The following DTNBP1 variants were observed in gnomAD, a reference collection of about 807,000 sequenced individuals.
DTNBP1 encodes dysbindin.
DTNBP1 carries 35 observed loss-of-function variants against 42.8 expected under a neutral mutation model. The ratio of observed to expected loss-of-function variants is 0.82; its 90% CI spans 0.63 to 1.09. The LOEUF is 1.09. Ranked by LOEUF, DTNBP1 falls within the 50% of genes least tolerant of loss-of-function variation. The pLI, the probability that DTNBP1 is intolerant of heterozygous loss-of-function variation, is 0.00. For synonymous variants in DTNBP1, 171 were observed against 162.2 expected, an observed-to-expected ratio of 1.05 and a Z score of -0.41; for missense variants, 457 against 424.2, an observed-to-expected ratio of 1.08 and a Z score of -0.68.
At chr6:15,603,230 T>C (rs75202130) in intron 6 of DTNBP1, among the ~76,000 whole-genome samples, 8,889 of 152,306 alleles carry the variant, frequency 0.058, 401 homozygotes, top group African/African-American at 0.12. Flanking sequence ...TAGCTCTCAG[T>C]CTGTTTTCAA....
chr6:15,543,118 G>GACTTATAATAA (rs1403062738), intron 7 of DTNBP1, among the ~76,000 whole-genome samples: 15 of 151,998 alleles, frequency 9.9e-5, no homozygotes, highest in Admixed American at 9.8e-4. Flanking sequence ...CTATTTTAGG[G>GACTTATAATAA]GACTTTTCCT....
intron 6 of DTNBP1, among the ~76,000 whole-genome samples, chr6:15,613,245 G>A (rs1323163441): frequency 6.7e-6 from 1 of 149,904 alleles, no homozygotes; most frequent in Non-Finnish European, 1.5e-5. Context: ...GGAGGTTGCA[G>A]TGAGCCGAGA....
At chr6:15,532,025 T>C (rs540883848) in intron 8 of DTNBP1, among the ~76,000 whole-genome samples, 1 of 152,162 alleles carries the variant, frequency 6.6e-6, no homozygotes, top group South Asian at 2.1e-4. Flanking sequence ...GGGGGCAGGA[T>C]AGAGAGAACA....
At chr6:15,640,926 T>C (rs1413549099) in intron 3 of DTNBP1, among the ~76,000 whole-genome samples, 1 of 152,204 alleles carries the variant, frequency 6.6e-6, no homozygotes, top group Non-Finnish European at 1.5e-5. Flanking sequence ...AAGTAGCTTG[T>C]ACACGGCTTA....
At chr6:15,613,480 C>T (rs1446547640) in intron 6 of DTNBP1, among the ~76,000 whole-genome samples, 2 of 149,572 alleles carry the variant, frequency 1.3e-5, no homozygotes, top group African/African-American at 4.9e-5. Flanking sequence ...CATTCTCCTG[C>T]CTCAGCCTCC....
At chr6:15,578,715 A>T (rs1167184317) in intron 7 of DTNBP1, among the ~76,000 whole-genome samples, 1 of 152,244 alleles carries the variant, frequency 6.6e-6, no homozygotes, top group Non-Finnish European at 1.5e-5. Context: ...ATTTCTTAGG[A>T]TTGGGAGAGA....
chr6:15,632,648 C>A (rs753635273), intron 4 of DTNBP1, among the ~76,000 whole-genome samples: 81 of 152,304 alleles, frequency 5.3e-4, no homozygotes, highest in Non-Finnish European at 1.0e-3. Context: ...GACAAAGAAG[C>A]TGTCTTCCAT....
intron 5 of DTNBP1, among the ~76,000 whole-genome samples, chr6:15,626,478 G>A (rs1033519830): frequency 6.6e-6 from 1 of 151,934 alleles, no homozygotes; most frequent in Non-Finnish European, 1.5e-5. Flanking sequence ...GAGATAATAG[G>A]GTATCTTTAG....
chr6:15,598,484 G>A (rs1305989683), intron 6 of DTNBP1, among the ~76,000 whole-genome samples: 1 of 152,140 alleles, frequency 6.6e-6, no homozygotes, highest in Non-Finnish European at 1.5e-5. Context: ...AGCATGATCA[G>A]CAATACTCTT....
At chr6:15,566,779 C>A (rs1384130245) in intron 7 of DTNBP1, among the ~76,000 whole-genome samples, 2 of 149,412 alleles carry the variant, frequency 1.3e-5, no homozygotes, top group African/African-American at 2.5e-5. Flanking sequence ...TGACTCACTG[C>A]AACCTATGCC....
chr6:15,615,123 A>C, intron 6 of DTNBP1, 144 bp downstream of exon 6: 1 of 1,326,690 alleles, frequency 7.5e-7, no homozygotes, highest in Non-Finnish European at 1.1e-6. Context: ...GTGGTTTTTA[A>C]AAAAAGTTTT....
chr6:15,629,820 T>C (rs1759580879), intron 4 of DTNBP1, among the ~76,000 whole-genome samples: 1 of 152,078 alleles, frequency 6.6e-6, no homozygotes, highest in Non-Finnish European at 1.5e-5. Context: ...CCCAGGGAAT[T>C]TGACAGTAAG....
chr6:15,635,074 C>T (rs1328868239), intron 4 of DTNBP1, among the ~76,000 whole-genome samples: 1 of 152,112 alleles, frequency 6.6e-6, no homozygotes, highest in Non-Finnish European at 1.5e-5. Flanking sequence ...TATAAGTGAT[C>T]TATCTTCTCT....
At chr6:15,526,208 C>CT (rs1772375308) in intron 8 of DTNBP1, among the ~76,000 whole-genome samples, 1 of 152,166 alleles carries the variant, frequency 6.6e-6, no homozygotes, top group South Asian at 2.1e-4. Context: ...CCTGCTCTCG[C>CT]TAGAGGCATA....
rs542723657 is a variant in DTNBP1, at chr6:15,523,555, T to G, written c.812-336A>C. The G allele has an allele frequency of 3.4e-5, 42 of 1,240,210 alleles. No individual in the cohort carries two copies. The South Asian group carries it at 5.1e-4, about 15-fold the overall frequency. The allele number at this position is 1,240,210 out of a possible 1,614,324, so 76.8% of individuals were successfully genotyped here. A position where few individuals can be genotyped will look rare whatever the true frequency, so the allele number is the denominator to read the frequency against. ...AGCAGTCCTTGTAACCTTGATAATC[T>G]AGATTTCTTTTTTTTTTTTTTACCC... is the stretch of plus-strand genomic sequence containing the variant. On this transcript the variant is annotated intron_variant, in intron 9 of 9. Coordinates refer to ENST00000344537, the MANE Select transcript of DTNBP1 (RefSeq NM_032122.5).
At chr6:15,654,879 A>G (rs916077585) in intron 1 of DTNBP1, among the ~76,000 whole-genome samples, 17 of 152,264 alleles carry the variant, frequency 1.1e-4, no homozygotes, top group Non-Finnish European at 2.2e-4. Context: ...ATAATTGATA[A>G]TATCAAAGAA....
rs1171397685 is a variant in DTNBP1 at position 15,549,491 on chromosome 6, TAAAAAA to T, written c.512-16102_512-16097del. On this transcript the variant is annotated intron_variant, in intron 7 of 9. Transcript: ENST00000344537. ...CAGAGCAAGACTTTGTCTCAGGGATTAAAAAAAAAAAAAAAAAAAAAAAAAAGGGAA... is the reference window on the plus strand; with the variant it reads ...CAGAGCAAGACTTTGTCTCAGGGATTAAAAAAAAAAAAAAAAAAAAGGGAA... 1.3e-4 allele frequency among the ~76,000 whole-genome samples: 10 copies of T among 77,980 alleles called. No homozygotes were observed. The South Asian group carries it at 2.5e-3, about 20-fold the overall frequency. 51.2% of individuals were successfully genotyped at this position (77,980 alleles called of 152,430 possible). A position where few individuals can be genotyped will look rare whatever the true frequency, so the allele number is the denominator to read the frequency against.
chr6:15,545,058 T>C (rs1773791812), intron 7 of DTNBP1, among the ~76,000 whole-genome samples: 1 of 152,184 alleles, frequency 6.6e-6, no homozygotes, highest in African/African-American at 2.4e-5. Context: ...TTTTTAACAG[T>C]TACATTTTTT....
rs182515577 is a variant in DTNBP1 at position 15,588,260 on chromosome 6, C to T, written c.511+4799G>A. On this transcript the variant is annotated intron_variant, in intron 7 of 9. Coordinates refer to ENST00000344537, the MANE Select transcript of DTNBP1 (RefSeq NM_032122.5). Reference sequence around the variant, plus strand: ...GCTGAATTCAAATCTAATAGTTTCCCAACTGATCTTTTTTAGTCTAGACCT... The same window carrying T: ...GCTGAATTCAAATCTAATAGTTTCCTAACTGATCTTTTTTAGTCTAGACCT... Among the ~76,000 whole-genome samples the T allele has an allele frequency of 1.6e-3, 244 of 152,262 alleles. 1 individual carries two copies. Among genetic ancestry groups the T allele is most frequent in the African/African-American group, 5.7e-3 (238 of 41,546 alleles).
Sources: allele counts gnomAD v4.1 joint callset (sites outside exome capture counted in the v4.1 genomes callset), GRCh38; gene constraint gnomAD v4.1.1; transcripts MANE v1.5; gene names NCBI Gene and HGNC (gene_info 2026-07-23, HGNC 2026-07-21).